The following BRD4 variants were observed in gnomAD, a reference collection of about 807,000 sequenced individuals.
BRD4 encodes bromodomain-containing protein 4.
BRD4 carries 16 observed loss-of-function variants against 142.1 expected under a neutral mutation model. The ratio of observed to expected loss-of-function variants is 0.11; its 90% CI spans 0.08 to 0.17. BRD4 has a LOEUF of 0.17. Among genes scored for constraint, BRD4 ranks in the 10% least tolerant of loss-of-function variants. The pLI, the probability that BRD4 is intolerant of heterozygous loss-of-function variation, is 1.00. For missense variants in BRD4, 1,424 were observed against 1,810.9 expected, an observed-to-expected ratio of 0.79 and a Z score of 3.88; for synonymous variants, 833 against 707.5, an observed-to-expected ratio of 1.18 and a Z score of -2.82.
Position 15,332,412 on chromosome 19 carries a change from C to T in BRD4, c.-157G>A, listed in dbSNP as rs2048170277. On this transcript the variant is annotated 5_prime_UTR_variant, in exon 1 of 20. Transcript: ENST00000679869. Reference sequence around the variant, plus strand: ...CTCTGCCGAGCTCACAGGCCGCGCTCGCCCGCGGGCACCGCCGGCAGCCGC... The same window carrying T: ...CTCTGCCGAGCTCACAGGCCGCGCTTGCCCGCGGGCACCGCCGGCAGCCGC... 6.8e-6 allele frequency: 1 copy of T among 146,766 alleles called. No individual in the cohort carries two copies. The highest frequency in any genetic ancestry group is 1.5e-5 in the Non-Finnish European group (1 of 65,810). The allele number at this position is 146,766 out of a possible 1,614,324, so 9.1% of individuals were successfully genotyped here.
intron 1 of BRD4, among the ~76,000 whole-genome samples, chr19:15,310,068 T>C (rs2047953413): frequency 6.6e-6 from 1 of 152,066 alleles, no homozygotes; most frequent in Admixed American, 6.6e-5. Context: ...GTTAATTCTG[T>C]GAGCCTTTTC....
chr19:15,301,889 A>T (rs1361600421), intron 1 of BRD4, among the ~76,000 whole-genome samples: 2 of 150,308 alleles, frequency 1.3e-5, no homozygotes, highest in Non-Finnish European at 3.0e-5. Context: ...AAAAAAAAAA[A>T]GTTGCTGAGT....
At chr19:15,276,126 T>C (rs941771899) in intron 1 of BRD4, among the ~76,000 whole-genome samples, 5 of 152,202 alleles carry the variant, frequency 3.3e-5, no homozygotes, top group African/African-American at 7.2e-5. Flanking sequence ...CACACTGACC[T>C]ACTGCTATGC....
At chr19:15,306,170 T>C (rs928941924) in intron 1 of BRD4, among the ~76,000 whole-genome samples, 2 of 152,272 alleles carry the variant, frequency 1.3e-5, no homozygotes, top group Non-Finnish European at 2.9e-5. Context: ...AGGCATTCAC[T>C]GGAGTCACAC....
intron 14 of BRD4, among the ~76,000 whole-genome samples, chr19:15,241,805 C>CTTT (rs906788611): frequency 4.9e-4 from 51 of 104,282 alleles, no homozygotes; most frequent in Non-Finnish European, 5.7e-4. Flanking sequence ...TGGCACCTGA[C>CTTT]TTTTTTTTTT....
intron 3 of BRD4, 56 bp downstream of exon 3, chr19:15,268,849 C>G: frequency 6.3e-7 from 1 of 1,598,818 alleles, no homozygotes; most frequent in East Asian, 2.2e-5. Context: ...TGCCCACTGC[C>G]GTCGCCTCCC....
At chr19:15,254,285 T>C (rs2047382356) in intron 10 of BRD4, 23 bp from the exon 11 acceptor site, 6 of 1,603,410 alleles carry the variant, frequency 3.7e-6, no homozygotes, top group Middle Eastern at 1.7e-4. Context: ...CAATGGGAGC[T>C]GGTCAGGCAG....
intron 11 of BRD4, among the ~76,000 whole-genome samples, chr19:15,252,478 A>G (rs1302724794): frequency 2.6e-5 from 4 of 152,232 alleles, no homozygotes; most frequent in Non-Finnish European, 5.9e-5. Flanking sequence ...TGGCATGGAA[A>G]GTGAAAAGTC....
intron 1 of BRD4, among the ~76,000 whole-genome samples, chr19:15,308,600 G>A (rs1182424724): frequency 6.7e-6 from 1 of 149,208 alleles, no homozygotes; most frequent in Non-Finnish European, 1.5e-5. Context: ...AAAAAAAAAA[G>A]TAATAGTATA....
At chr19:15,270,155 C>A (rs1245160990) in intron 2 of BRD4, among the ~76,000 whole-genome samples, 1 of 152,218 alleles carries the variant, frequency 6.6e-6, no homozygotes, top group Non-Finnish European at 1.5e-5. Flanking sequence ...GAGGCACAGG[C>A]TGCAGGTGGA....
Position 15,239,674 on chromosome 19 carries a change from C to G in BRD4, c.3430G>C (p.Val1144Leu), listed in dbSNP as rs200957651. 6.3e-7 allele frequency: 1 copy of G among 1,583,732 alleles called. No individual in the cohort carries two copies. The highest frequency in any genetic ancestry group is 1.1e-5 in the South Asian group (1 of 89,286). The change falls in exon 16 of 20, where the codon GTC (valine) becomes CTC (leucine). Residue 1144 changes from valine to leucine, a missense_variant. By Grantham distance (32) the Val-to-Leu change is conservative (BLOSUM62 1). Transcript: ENST00000679869. The surrounding 1 kb of genome is among the most constrained non-coding windows in gnomAD (Gnocchi z 7.4). ...PKHPESIKAP[V>L]HLPQRPEMKP... ...GAGCACTCACGCTGGGGCAGGTGGA[C>G]GGGGGCCTTGATGCTCTCCGGGTGC...
chr19:15,305,389 A>G (rs763802428), intron 1 of BRD4, among the ~76,000 whole-genome samples: 10 of 152,174 alleles, frequency 6.6e-5, no homozygotes, highest in Admixed American at 3.9e-4. Flanking sequence ...AAACTGATCC[A>G]TGGGCTGCTG....
chr19:15,271,888 G>A (rs2047591175), intron 2 of BRD4, among the ~76,000 whole-genome samples: 1 of 130,788 alleles, frequency 7.6e-6, no homozygotes, highest in Admixed American at 7.6e-5. Flanking sequence ...AAGGATGCCT[G>A]GCAGAGGCTA....
Position 15,320,410 on chromosome 19 carries a change from T to C in BRD4, c.-35+11880A>G, listed in dbSNP as rs145923653. 3.3e-5 allele frequency among the ~76,000 whole-genome samples: 5 copies of C among 152,286 alleles called. No individual in the cohort carries two copies. The East Asian group carries it at 9.6e-4, about 29-fold the overall frequency. Reference sequence around the variant, plus strand: ...CTGTACCTTTTGCAGGCACGGAAGATAGATGAATCCAGTCTCCTGAACTAA... The same window carrying C: ...CTGTACCTTTTGCAGGCACGGAAGACAGATGAATCCAGTCTCCTGAACTAA... On this transcript the variant is annotated intron_variant, in intron 1 of 19. Transcript: ENST00000679869.
chr19:15,278,105 CAAAAAAAAAAAAAAAAAAAA>C (rs59204229), intron 1 of BRD4, among the ~76,000 whole-genome samples: 32 of 55,042 alleles, frequency 5.8e-4, no homozygotes, highest in African/African-American at 1.5e-3. Context: ...GACTCCGTCT[CAAAAAAAAAAAAAAAAAAAA>C]AAAAAAAAAA....
intron 14 of BRD4, among the ~76,000 whole-genome samples, chr19:15,241,043 T>G (rs1263742422): frequency 6.6e-6 from 1 of 152,220 alleles, no homozygotes; most frequent in African/African-American, 2.4e-5. Flanking sequence ...AGATCCTCTC[T>G]AGAGCCAGGA....
chr19:15,302,888 G>T (rs2047882679), intron 1 of BRD4, among the ~76,000 whole-genome samples: 1 of 148,686 alleles, frequency 6.7e-6, no homozygotes. Context: ...GTCACCTGTA[G>T]TCCCAGCTAC....
intron 1 of BRD4, among the ~76,000 whole-genome samples, chr19:15,273,816 C>CTT (rs920676613): frequency 6.3e-5 from 8 of 127,378 alleles, no homozygotes; most frequent in Non-Finnish European, 8.5e-5. Context: ...CTACCATTTT[C>CTT]TTTTTTTTTT....
chr19:15,328,925 C>T (rs1260625109), intron 1 of BRD4, among the ~76,000 whole-genome samples: 1 of 152,194 alleles, frequency 6.6e-6, no homozygotes, highest in Admixed American at 6.5e-5. Flanking sequence ...AGGCATGCGC[C>T]ACTATGCCCG....
Sources: gnomAD v4.1 joint callset for allele counts (sites outside exome capture counted in the v4.1 genomes callset) on GRCh38, gnomAD v4.1.1 for gene constraint, Gnocchi (gnomAD v3.1) non-coding constraint, MANE v1.5 for transcripts, NCBI Gene and HGNC (gene_info 2026-07-23, HGNC 2026-07-21) for gene names.